The following BNIP1 variants were observed in gnomAD, a reference collection of about 807,000 sequenced individuals.
BNIP1 encodes vesicle transport protein SEC20.
A neutral mutation model predicts 28.5 loss-of-function variants in BNIP1; 25 were observed. The ratio of observed to expected loss-of-function variants is 0.88; its 90% CI spans 0.64 to 1.23. BNIP1 has a LOEUF of 1.23. Ranked by LOEUF, BNIP1 falls within the 50% of genes most tolerant of loss-of-function variation. The pLI is 0.00. For synonymous variants in BNIP1, 118 were observed against 101.7 expected (o/e 1.16, Z -0.96); for missense variants, 276 against 277.0 (o/e 1.00, Z 0.02).
At chr5:173,147,240 C>T (rs1387240905) in intron 2 of BNIP1, among the ~76,000 whole-genome samples, 1 of 149,934 alleles carries the variant, frequency 6.7e-6, no homozygotes, top group African/African-American at 2.4e-5. Flanking sequence ...CCCGTCTCTA[C>T]TAAAAATACA....
At chr5:173,162,837 C>G (rs992999822) in intron 5 of BNIP1, among the ~76,000 whole-genome samples, 3 of 152,184 alleles carry the variant, frequency 2.0e-5, no homozygotes, top group African/African-American at 7.2e-5. Context: ...TGCCAGCCCT[C>G]TGGTCCACTT....
intron 3 of BNIP1, among the ~76,000 whole-genome samples, chr5:173,155,605 G>A (rs1389192845): frequency 6.6e-6 from 1 of 152,084 alleles, no homozygotes; most frequent in African/African-American, 2.4e-5. Context: ...GGCTGAGGCA[G>A]GAGAATCGCT....
At chr5:173,157,645 C>T (rs1760238764) in intron 3 of BNIP1, among the ~76,000 whole-genome samples, 1 of 151,888 alleles carries the variant, frequency 6.6e-6, no homozygotes, top group South Asian at 2.1e-4. Context: ...GAACTCCTGA[C>T]CTCAAGTGAC....
chr5:173,158,047 C>T (rs533238009), intron 3 of BNIP1, among the ~76,000 whole-genome samples: 4 of 151,820 alleles, frequency 2.6e-5, no homozygotes, highest in Non-Finnish European at 5.9e-5. Context: ...GCTCCTCCGC[C>T]TCCTGGGTAG....
At position 173,160,146 on chromosome 5, in the gene BNIP1, C is replaced by T. The variant is rs974977954; in HGVS notation, c.490+95C>T. ...CACTCTGGGCTCCTCCACCACAGCC[C>T]ACACGATGTTCACTGACTTGGGTGG... On this transcript the variant is annotated intron_variant, in intron 5 of 5. Coordinates refer to ENST00000351486, the MANE Select transcript of BNIP1 (RefSeq NM_001205.3). The T allele has an allele frequency of 1.7e-5, 19 of 1,135,706 alleles. No individual in the cohort carries two copies. In the African/African-American group the frequency reaches 2.5e-4, roughly 15 times the overall value. The allele number at this position is 1,135,706 out of a possible 1,614,324, so 70.4% of individuals were successfully genotyped here.
intron 1 of BNIP1, among the ~76,000 whole-genome samples, chr5:173,146,074 T>G (rs1050420530): frequency 6.6e-6 from 1 of 152,228 alleles, no homozygotes; most frequent in African/African-American, 2.4e-5. Flanking sequence ...TTTCTAACAT[T>G]TGGGTTCTTG....
intron 2 of BNIP1, among the ~76,000 whole-genome samples, chr5:173,148,117 T>A (rs1385613846): frequency 0.029 from 2,515 of 87,860 alleles, 357 homozygotes; most frequent in Non-Finnish European, 0.04. Context: ...TATATATATA[T>A]ATATATATAT....
chr5:173,147,247 T>C (rs1412932671), intron 2 of BNIP1, among the ~76,000 whole-genome samples: 2 of 149,246 alleles, frequency 1.3e-5, no homozygotes. Flanking sequence ...CTACTAAAAA[T>C]ACAAAAAATT....
chr5:173,148,241 G>A (rs1759924160), intron 2 of BNIP1, among the ~76,000 whole-genome samples: 1 of 150,400 alleles, frequency 6.6e-6, no homozygotes, highest in Non-Finnish European at 1.5e-5. Flanking sequence ...TGGGGTTACA[G>A]GCATGAGCCC....
intron 2 of BNIP1, among the ~76,000 whole-genome samples, chr5:173,148,996 G>C (rs1283264926): frequency 6.6e-6 from 1 of 152,066 alleles, no homozygotes; most frequent in Non-Finnish European, 1.5e-5. Flanking sequence ...ACCTAATGTT[G>C]GGTTGGCAGA....
At position 173,144,561 on chromosome 5, in the gene BNIP1, G is replaced by A. The variant is rs1411280160; in HGVS notation, c.16G>A (p.Asp6Asn). 2 of 1,614,152 alleles carry A rather than the reference G, an allele frequency of 1.2e-6. No individual in the cohort carries two copies. The highest frequency in any genetic ancestry group is 1.7e-6 in the Non-Finnish European group (2 of 1,179,986). MAAPQ[D>N]VHVRICNQEI... ...CGTCCCCAACATGGCGGCTCCCCAA[G>A]ACGTCCACGTCCGGATCTGTAACCA... The change falls in exon 1 of 6, where the codon GAC becomes AAC. Residue 6 changes from aspartate (D) to asparagine (N), a missense_variant. Transcript: ENST00000351486.
rs993510468 is a variant in BNIP1 at position 173,158,652 on chromosome 5, C to T, written c.270-92C>T. Reference sequence around the variant, plus strand: ...AAGGCCGTGCCTGGTGGCCTTCTCCCGTGTGCCTTTGTTGGGGGGAAGTGC... The same window carrying T: ...AAGGCCGTGCCTGGTGGCCTTCTCCTGTGTGCCTTTGTTGGGGGGAAGTGC... On this transcript the variant is annotated intron_variant, in intron 3 of 5. Coordinates refer to ENST00000351486, the MANE Select transcript of BNIP1 (RefSeq NM_001205.3). 10 of 987,650 alleles carry T rather than the reference C, an allele frequency of 1.0e-5. No homozygotes were observed. The African/African-American group carries it at 1.2e-4, about 11-fold the overall frequency. 61.2% of individuals were successfully genotyped at this position (987,650 alleles called of 1,614,324 possible).
chr5:173,145,494 C>T (rs1320785062), intron 1 of BNIP1, among the ~76,000 whole-genome samples: 5 of 152,180 alleles, frequency 3.3e-5, no homozygotes, highest in African/African-American at 9.6e-5. Context: ...CTCCGCCTCC[C>T]GGGTTCCCGC....
intron 1 of BNIP1, 105 bp downstream of exon 1, chr5:173,144,734 C>T: frequency 8.2e-7 from 1 of 1,220,496 alleles, no homozygotes; most frequent in Non-Finnish European, 1.2e-6. Flanking sequence ...CTTGGTTTCC[C>T]AGACCACAGG....
chr5:173,158,970 G>T, intron 4 of BNIP1, 125 bp downstream of exon 4: 2 of 593,458 alleles, frequency 3.4e-6, no homozygotes, highest in Non-Finnish European at 5.7e-6. Context: ...TTTTAAGTTT[G>T]AAAAAAATGC....
intron 3 of BNIP1, among the ~76,000 whole-genome samples, chr5:173,155,165 G>A (rs180784469): frequency 3.9e-4 from 59 of 152,250 alleles, no homozygotes; most frequent in African/African-American, 1.4e-3. Context: ...AAACAAAATT[G>A]AGGTCAAAAA....
rs370658787 is a variant in BNIP1 at position 173,159,967 on chromosome 5, A to G, written c.406A>G (p.Ser136Gly). 3.7e-6 allele frequency: 6 copies of G among 1,614,206 alleles called. No homozygotes were observed. The highest frequency in any genetic ancestry group is 4.2e-6 in the Non-Finnish European group (5 of 1,180,022). ...CAAAGAGAGCCTGGCCCAGACATCCAGTACCATCACTGAGAGCCTCATGGG... is the reference window on the plus strand; with the variant it reads ...CAAAGAGAGCCTGGCCCAGACATCCGGTACCATCACTGAGAGCCTCATGGG... ...TTKESLAQTSSTITESLMGIS... is the reference protein window; with the variant it reads ...TTKESLAQTSGTITESLMGIS... Residue 136 changes from serine (S) to glycine (G), a missense_variant, in exon 5 of 6, where the codon AGT (serine) becomes GGT (glycine). Transcript: ENST00000351486.
intron 3 of BNIP1, 32 bp from the exon 4 acceptor site, chr5:173,158,712 G>T (rs748879608): frequency 6.4e-7 from 1 of 1,553,060 alleles, no homozygotes; most frequent in South Asian, 1.1e-5. Flanking sequence ...TGGTGGAGTG[G>T]ACACACTCAC....
chr5:173,162,233 C>T (rs1483469727), intron 5 of BNIP1, among the ~76,000 whole-genome samples: 1 of 152,022 alleles, frequency 6.6e-6, no homozygotes, highest in Non-Finnish European at 1.5e-5. Flanking sequence ...TTTATTTAAC[C>T]CATTATGTAA....
Sources: allele counts gnomAD v4.1 joint callset (sites outside exome capture counted in the v4.1 genomes callset), GRCh38; gene constraint gnomAD v4.1.1; transcripts MANE v1.5; gene names NCBI Gene and HGNC (gene_info 2026-07-23, HGNC 2026-07-21).